Variants in CAGE1 observed in about 807,000 individuals in gnomAD.
The protein encoded by CAGE1 is cancer antigen 1.
Under a neutral mutation model 94.9 loss-of-function variants are expected in CAGE1, and 66 were observed. The observed-to-expected ratio is 0.70, with a 90% confidence interval of 0.57 to 0.85. The LOEUF (loss-of-function observed/expected upper bound fraction) is 0.85. Ranked by LOEUF, CAGE1 falls within the 40% of genes least tolerant of loss-of-function variation. The pLI, the probability that CAGE1 is intolerant of heterozygous loss-of-function variation, is 0.00. For missense variants in CAGE1, 865 were observed against 950.4 expected (o/e 0.91, Z 1.18); for synonymous variants, 319 against 321.0 (o/e 0.99, Z 0.07).
chr6:7,348,068 A>G (rs1759630257), intron 11 of CAGE1, among the ~76,000 whole-genome samples: 1 of 152,098 alleles, frequency 6.6e-6, no homozygotes, highest in African/African-American at 2.4e-5. Flanking sequence ...TCTCCATACT[A>G]CACAGCTGAT....
chr6:7,353,700 C>CGT (rs1252701862), intron 11 of CAGE1, among the ~76,000 whole-genome samples: 1 of 34,812 alleles, frequency 2.9e-5, no homozygotes, highest in African/African-American at 6.8e-4. Flanking sequence ...TATATGTACA[C>CGT]ACACACACAC....
intron 9 of CAGE1, among the ~76,000 whole-genome samples, chr6:7,364,858 A>G (rs1760272023): frequency 6.6e-6 from 1 of 152,236 alleles, no homozygotes; most frequent in African/African-American, 2.4e-5. Flanking sequence ...AGTGAATTGT[A>G]TGTAATGAAT....
chr6:7,344,112 T>C (rs781673237), intron 11 of CAGE1, among the ~76,000 whole-genome samples: 25 of 152,328 alleles, frequency 1.6e-4, no homozygotes, highest in Non-Finnish European at 3.1e-4. Context: ...GCTCCCACTT[T>C]GGTGGCACTT....
chr6:7,382,887 G>C (rs1760986968), intron 3 of CAGE1, among the ~76,000 whole-genome samples: 1 of 152,094 alleles, frequency 6.6e-6, no homozygotes, highest in African/African-American at 2.4e-5. Context: ...TCCATCCTGG[G>C]TGACAGAGCG....
intron 13 of CAGE1, 101 bp downstream of exon 13, chr6:7,329,748 A>G (rs1412560637): frequency 1.6e-6 from 1 of 627,128 alleles, no homozygotes; most frequent in Non-Finnish European, 2.9e-6. Flanking sequence ...TAGGTTGCAC[A>G]GTATGGAAAT....
intron 11 of CAGE1, among the ~76,000 whole-genome samples, chr6:7,345,608 G>A (rs193161877): frequency 6.6e-5 from 10 of 152,288 alleles, no homozygotes; most frequent in Middle Eastern, 3.4e-3. Context: ...GTAAACAGCT[G>A]TTTCTAACGT....
In CAGE1 at chr6:7,365,494, T is replaced by G. The variant is rs200680929; in HGVS notation, c.2167A>C (p.Ser723Arg). 39 of 1,613,530 alleles carry G rather than the reference T, an allele frequency of 2.4e-5. No individual in the cohort carries two copies. In the African/African-American group the frequency reaches 4.3e-4, roughly 18 times the overall value. Residue 723 changes from serine to arginine, a missense_variant, in exon 9 of 14, where the codon AGT becomes CGT. Coordinates refer to ENST00000502583, the MANE Select transcript of CAGE1 (RefSeq NM_001170692.2). The stretch of plus-strand genomic sequence containing the variant: ...AAGAAATCAAGCTCCTCATTTAGAC[T>G]GTGGTACTTATCCAGTTTGGCTCCC... The part of the protein sequence containing the change: ...LLGAKLDKYH[S>R]LNEELDFLIT...
rs1274386549 is a variant in CAGE1 at position 7,362,798 on chromosome 6, G to A, written c.2193+2670C>T. ...ATGCAAGTCTAAAGAATAACATAAT[G>A]AACCTCCATGTTTCCATCCCATAAC... On this transcript the variant is annotated intron_variant, in intron 9 of 13. Coordinates refer to ENST00000502583, the MANE Select transcript of CAGE1 (RefSeq NM_001170692.2). This position sits in a 1 kb window ranked among gnomAD's most constrained non-coding sequence, Gnocchi z 4.1. Among the ~76,000 whole-genome samples the A allele has an allele frequency of 6.6e-6, 1 of 152,020 alleles. No homozygotes were observed. Among genetic ancestry groups the A allele is most frequent in the African/African-American group, 2.4e-5 (1 of 41,374 alleles).
At chr6:7,354,084 C>T (rs975734238) in intron 11 of CAGE1, among the ~76,000 whole-genome samples, 11 of 148,656 alleles carry the variant, frequency 7.4e-5, no homozygotes, top group South Asian at 2.1e-4. Flanking sequence ...CAATAACCTA[C>T]GGAAAAAAAA....
In CAGE1 at chr6:7,345,120, T is replaced by TA. The variant is rs528654535; in HGVS notation, c.2369+9920_2369+9921insT. Among the ~76,000 whole-genome samples, 14 of 151,032 alleles carry TA rather than the reference T, an allele frequency of 9.3e-5. No individual in the cohort carries two copies. The South Asian group carries it at 2.7e-3, about 30-fold the overall frequency. On this transcript the variant is annotated intron_variant, in intron 11 of 13. Transcript: ENST00000502583. ...TCTTAACTCTTGTTGCTGTTTGCTCTTTAGATCCATATTGCTTTTAGGAGC... is the reference window on the plus strand; with the variant it reads ...TCTTAACTCTTGTTGCTGTTTGCTCTATTAGATCCATATTGCTTTTAGGAGC...
At chr6:7,374,272 C>G in intron 4 of CAGE1, 141 bp from the exon 5 acceptor site, 1 of 657,794 alleles carries the variant, frequency 1.5e-6, no homozygotes, top group African/African-American at 1.8e-5. Context: ...GTATCTACTT[C>G]CAATAATAAT....
intron 11 of CAGE1, among the ~76,000 whole-genome samples, chr6:7,352,306 C>CAAA (rs796943772): frequency 0.046 from 4,808 of 103,876 alleles, 161 homozygotes; most frequent in Non-Finnish European, 0.064. Flanking sequence ...AAAAAAAAAA[C>CAAA]AAAAAAAAAC....
intron 9 of CAGE1, among the ~76,000 whole-genome samples, chr6:7,360,802 C>G (rs1760138361): frequency 6.6e-6 from 1 of 152,036 alleles, no homozygotes; most frequent in Non-Finnish European, 1.5e-5. Flanking sequence ...AAAAAATTAG[C>G]CAGGTGGGGT....
chr6:7,342,305 C>T (rs1759211456), intron 11 of CAGE1, among the ~76,000 whole-genome samples: 1 of 152,240 alleles, frequency 6.6e-6, no homozygotes, highest in African/African-American at 2.4e-5. Context: ...CCCAGAAGGG[C>T]TTCATGCTCA....
rs201015932 is a variant in CAGE1, at chr6:7,378,721, G to A, written c.583C>T (p.His195Tyr). 1.8e-4 allele frequency: 287 copies of A among 1,613,886 alleles called. No homozygotes were observed. The highest frequency in any genetic ancestry group is 3.3e-4 in the Admixed American group (20 of 59,994). The change falls in exon 4 of 14, where the codon CAC becomes TAC. Residue 195 changes from histidine (H) to tyrosine (Y), a missense_variant. Coordinates refer to ENST00000502583, the MANE Select transcript of CAGE1 (RefSeq NM_001170692.2). The part of the protein sequence containing the change: ...QPPPRSPPLI[H>Y]CSGEMLKFTE... Reference sequence around the variant, plus strand: ...AATTTCAGCATCTCTCCACTGCAGTGGATTAGAGGCGGGCTTCTAGGAGGA... The same window carrying A: ...AATTTCAGCATCTCTCCACTGCAGTAGATTAGAGGCGGGCTTCTAGGAGGA...
chr6:7,347,515 T>TGGG (rs1561853738), intron 11 of CAGE1: 10 of 15,340 alleles, frequency 6.5e-4, no homozygotes, highest in Non-Finnish European at 8.6e-4. Context: ...GGGGGGGGGG[T>TGGG]TGGGGGGGGC....
intron 11 of CAGE1, among the ~76,000 whole-genome samples, chr6:7,345,492 CATT>C (rs780416967): frequency 6.6e-5 from 10 of 152,182 alleles, no homozygotes; most frequent in African/African-American, 1.7e-4. Context: ...GGCATACTCA[CATT>C]ATATTTCAGC....
chr6:7,335,229 G>C (rs113912209), intron 11 of CAGE1, among the ~76,000 whole-genome samples: 1 of 152,100 alleles, frequency 6.6e-6, no homozygotes, highest in African/African-American at 2.4e-5. Context: ...AATAATCTCC[G>C]CAACTCAAGA....
At chr6:7,328,989 T>A (rs1758644396) in intron 13 of CAGE1, 1 of 168,094 alleles carries the variant, frequency 5.9e-6, no homozygotes, top group South Asian at 2.1e-4. Flanking sequence ...TGGAGTGCGG[T>A]GGTAAGATCT....
Sources: allele counts gnomAD v4.1 joint callset (sites outside exome capture counted in the v4.1 genomes callset), GRCh38; gene constraint gnomAD v4.1.1; non-coding constraint Gnocchi (gnomAD v3.1); transcripts MANE v1.5; gene names NCBI Gene and HGNC (gene_info 2026-07-23, HGNC 2026-07-21).